TPMT: variants seen among roughly 807,000 people sequenced by gnomAD.
TPMT encodes thiopurine S-methyltransferase, also known as S-adenosyl-L-methionine:thiopurine S-methyltransferase.
Under a neutral mutation model 34.2 loss-of-function variants are expected in TPMT, and 18 were observed. The observed-to-expected ratio is 0.53, with a 90% confidence interval of 0.36 to 0.78. The LOEUF (loss-of-function observed/expected upper bound fraction) is 0.78, where lower values mean the gene tolerates loss of function less well. Ranked by LOEUF, TPMT falls within the 30% of genes least tolerant of loss-of-function variation. The probability of loss-of-function intolerance (pLI) is 0.00; values close to 1 mark genes in which losing one functional copy is unlikely to be tolerated. For synonymous variants in TPMT, 69 were observed against 92.4 expected (o/e 0.75, Z 1.45); for missense variants, 265 against 288.1 (o/e 0.92, Z 0.58).
intron 1 of TPMT, among the ~76,000 whole-genome samples, chr6:18,151,389 G>A (rs1292357388): frequency 6.6e-6 from 1 of 151,108 alleles, no homozygotes; most frequent in Admixed American, 6.6e-5. Flanking sequence ...GATGGCTTGA[G>A]CCTAGGAGTT....
chr6:18,134,582 G>A (rs960477999), intron 6 of TPMT, among the ~76,000 whole-genome samples: 5 of 152,220 alleles, frequency 3.3e-5, no homozygotes, highest in African/African-American at 1.2e-4. Context: ...GTGGGAAGCT[G>A]ATGCTAACAG....
intron 6 of TPMT, 76 bp from the exon 7 acceptor site, chr6:18,133,965 G>A (rs112245838): frequency 8.4e-7 from 1 of 1,185,432 alleles, no homozygotes; most frequent in Non-Finnish European, 1.3e-6. Flanking sequence ...GGCAGGGAAG[G>A]AAGCCAGAAG....
In TPMT at chr6:18,140,232, A is replaced by G. The variant is rs1227828559; in HGVS notation, c.367-515T>C. ...TCTTGACAGTAGATTTGAATTCGAC[A>G]CAGTCTCTGACCACAGTGAGGACAG... On this transcript the variant is annotated intron_variant, in intron 4 of 8. Transcript: ENST00000309983. The surrounding 1 kb of genome is among the most constrained non-coding windows in gnomAD (Gnocchi z 4.7). 6.6e-6 allele frequency among the ~76,000 whole-genome samples: 1 copy of G among 152,224 alleles called. No homozygotes were observed. The highest frequency in any genetic ancestry group is 2.4e-5 in the African/African-American group (1 of 41,466).
rs1195203273 is a variant in TPMT, at chr6:18,143,636, T to A, written c.326A>T (p.Glu109Val). 6.2e-7 allele frequency: 1 copy of A among 1,613,534 alleles called. No homozygotes were observed. Among genetic ancestry groups the A allele is most frequent in the Admixed American group, 1.7e-5 (1 of 60,018 alleles). ...TCCAGGAATTTCGGTGATTGGTTCT[T>A]CTGAGTAAGAAAGATTCTGCTCTGT... ...FFTEQNLSYS[E>V]EPITEIPGTK... Residue 109 changes from glutamate to valine, a missense_variant, in exon 4 of 9, where the codon GAA (glutamate) becomes GTA (valine). Coordinates refer to ENST00000309983, the MANE Select transcript of TPMT (RefSeq NM_000367.5). The surrounding 1 kb of genome is among the most constrained non-coding windows in gnomAD (Gnocchi z 6.1).
At chr6:18,151,253 GCCT>G (rs1784349907) in intron 1 of TPMT, among the ~76,000 whole-genome samples, 1 of 145,888 alleles carries the variant, frequency 6.9e-6, no homozygotes, top group South Asian at 2.1e-4. Flanking sequence ...ATGGCTTGAC[GCCT>G]GGAGTTTGAG....
chr6:18,139,124 T>A lies in TPMT; in HGVS notation c.420-87A>T. 8.7e-7 allele frequency: 1 copy of A among 1,152,780 alleles called. No individual in the cohort carries two copies. 71.4% of individuals were successfully genotyped at this position (1,152,780 alleles called of 1,614,324 possible). A position where few individuals can be genotyped will look rare whatever the true frequency, so the allele number is the denominator to read the frequency against. On this transcript the variant is annotated intron_variant, in intron 5 of 8. Coordinates refer to ENST00000309983, the MANE Select transcript of TPMT (RefSeq NM_000367.5). The surrounding 1 kb of genome is among the most constrained non-coding windows in gnomAD (Gnocchi z 4.2). ...CGTCCCCCATGGTGCATGCTGGTAC[T>A]TCAACAATCGTCAAGGTATTAGGAT... is the stretch of plus-strand genomic sequence containing the variant.
At position 18,154,867 on chromosome 6, in the gene TPMT, C is replaced by T. The variant is rs1784453353; in HGVS notation, c.-45+166G>A. The stretch of plus-strand genomic sequence containing the variant: ...TGGATTCAGGTCATTTACTGTCCGA[C>T]CTCGTTATTCCCAGTTTCCGCTTCT... On this transcript the variant is annotated intron_variant, in intron 1 of 8. Transcript: ENST00000309983. The surrounding 1 kb of genome is among the most constrained non-coding windows in gnomAD (Gnocchi z 4.2). 6.6e-6 allele frequency among the ~76,000 whole-genome samples: 1 copy of T among 152,218 alleles called. No homozygotes were observed.
rs1561891932 is a variant in TPMT at position 18,147,903 on chromosome 6, CTTCT to C, written c.149_152del (p.Lys50SerfsTer3). The C allele has an allele frequency of 1.1e-5, 17 of 1,613,066 alleles. No individual in the cohort carries two copies. The highest frequency in any genetic ancestry group is 1.4e-5 in the Non-Finnish European group (17 of 1,179,548). On this transcript the variant is annotated frameshift_variant, in exon 3 of 9. Transcript: ENST00000309983. LOFTEE classifies it high-confidence loss of function. ...TGCCTTTAAGGAAAGTATCTAAATG[CTTCT>C]TTAATAGCCTGAAGAGGAAAAAAAA...
chr6:18,130,534 GC>G lies in TPMT; in HGVS notation c.*133del. 1.5e-6 allele frequency: 1 copy of G among 663,908 alleles called. No homozygotes were observed. 41.1% of individuals were successfully genotyped at this position (663,908 alleles called of 1,614,324 possible). A position where few individuals can be genotyped will look rare whatever the true frequency, so the allele number is the denominator to read the frequency against. On this transcript the variant is annotated 3_prime_UTR_variant, in exon 9 of 9. Transcript: ENST00000309983. This position sits in a 1 kb window ranked among gnomAD's most constrained non-coding sequence, Gnocchi z 4.2. Reference sequence around the variant, plus strand: ...AAAAAGTAAATGGCTTTACTAAAAAGCCATTTTTAGTAAAGATCTATCATAT... The same window carrying G: ...AAAAAGTAAATGGCTTTACTAAAAAGCATTTTTAGTAAAGATCTATCATAT...
chr6:18,132,273 G>T lies in TPMT; in HGVS notation c.581-96C>A. 8.5e-7 allele frequency: 1 copy of T among 1,174,534 alleles called. No individual in the cohort carries two copies. The highest frequency in any genetic ancestry group is 1.3e-6 in the Non-Finnish European group (1 of 796,756). 72.8% of individuals were successfully genotyped at this position (1,174,534 alleles called of 1,614,324 possible). The stretch of plus-strand genomic sequence containing the variant: ...CATTATCCAAATAGGTGATGATGTG[G>T]CATGTTCTTCTCATTCTTCTTTTGC... On this transcript the variant is annotated intron_variant, in intron 7 of 8. Transcript: ENST00000309983. The surrounding 1 kb of genome is among the most constrained non-coding windows in gnomAD (Gnocchi z 4.8).
rs2150710269 is a variant in TPMT at position 18,135,625 on chromosome 6, A to G, written c.495-1736T>C. The stretch of plus-strand genomic sequence containing the variant: ...GGTGACTTACATCTGTAATCCCAGC[A>G]CTTTGGGAGGCCGAGGTGGGCAGAT... On this transcript the variant is annotated intron_variant, in intron 6 of 8. Coordinates refer to ENST00000309983, the MANE Select transcript of TPMT (RefSeq NM_000367.5). This position sits in a 1 kb window ranked among gnomAD's most constrained non-coding sequence, Gnocchi z 5.0. Among the ~76,000 whole-genome samples the G allele has an allele frequency of 6.6e-6, 1 of 152,330 alleles. No homozygotes were observed. The highest frequency in any genetic ancestry group is 1.9e-4 in the East Asian group (1 of 5,186).
At chr6:18,133,624 T>C (rs1304330612) in intron 7 of TPMT, 180 bp downstream of exon 7, 2 of 593,172 alleles carry the variant, frequency 3.4e-6, no homozygotes, top group East Asian at 5.8e-5. Context: ...ATGTACAATA[T>C]AGAAGAGAAA....
At chr6:18,134,037 T>C (rs1783996661) in intron 6 of TPMT, 148 bp from the exon 7 acceptor site, 1 of 690,138 alleles carries the variant, frequency 1.4e-6, no homozygotes, top group South Asian at 1.7e-5. Context: ...TTGATTCTCA[T>C]TTTAAAAGTG....
At chr6:18,133,264 T>C (rs1460756260) in intron 7 of TPMT, among the ~76,000 whole-genome samples, 3 of 152,192 alleles carry the variant, frequency 2.0e-5, no homozygotes, top group Non-Finnish European at 2.9e-5. Flanking sequence ...TGCATTAAAA[T>C]GAGTCCAGGA....
chr6:18,153,178 G>T lies in TPMT; in HGVS notation c.-45+1855C>A, dbSNP rs1280539478. ...CCCCTCCCTGGAAGTGTCAGTTTCT[G>T]GCTTCTGGCCTGCGGCTACACTTCT... On this transcript the variant is annotated intron_variant, in intron 1 of 8. Coordinates refer to ENST00000309983, the MANE Select transcript of TPMT (RefSeq NM_000367.5). The surrounding 1 kb of genome is among the most constrained non-coding windows in gnomAD (Gnocchi z 4.2). Among the ~76,000 whole-genome samples, 1 of 152,188 alleles carries T rather than the reference G, an allele frequency of 6.6e-6. No homozygotes were observed. The highest frequency in any genetic ancestry group is 2.4e-5 in the African/African-American group (1 of 41,452).
intron 4 of TPMT, among the ~76,000 whole-genome samples, chr6:18,142,845 G>A (rs931429143): frequency 2.0e-5 from 3 of 151,948 alleles, no homozygotes; most frequent in Non-Finnish European, 2.9e-5. Flanking sequence ...GTCCTCATTC[G>A]GTCACAGAAT....
In TPMT at chr6:18,140,719, A is replaced by G. The variant is rs1284345496; in HGVS notation, c.367-1002T>C. Among the ~76,000 whole-genome samples the G allele has an allele frequency of 6.6e-6, 1 of 152,152 alleles. No individual in the cohort carries two copies. The highest frequency in any genetic ancestry group is 1.9e-4 in the East Asian group (1 of 5,192). On this transcript the variant is annotated intron_variant, in intron 4 of 8. Coordinates refer to ENST00000309983, the MANE Select transcript of TPMT (RefSeq NM_000367.5). The surrounding 1 kb of genome is among the most constrained non-coding windows in gnomAD (Gnocchi z 4.7). The stretch of plus-strand genomic sequence containing the variant: ...TTGGAGCAAAATAATCCTAAAAAAT[A>G]AACAACAACAACAAAAATCAAGAGA...
rs1192492785 is a variant in TPMT, at chr6:18,129,266, A to T, written c.*1402T>A. On this transcript the variant is annotated 3_prime_UTR_variant, in exon 9 of 9. Coordinates refer to ENST00000309983, the MANE Select transcript of TPMT (RefSeq NM_000367.5). Reference sequence around the variant, plus strand: ...AGTTGCTTCAAATTAATAGCCTTACAAATCTATTAGAATACATCGATGGCA... The same window carrying T: ...AGTTGCTTCAAATTAATAGCCTTACTAATCTATTAGAATACATCGATGGCA... 6.6e-6 allele frequency: 1 copy of T among 152,152 alleles called. No individual in the cohort carries two copies. The highest frequency in any genetic ancestry group is 1.5e-5 in the Non-Finnish European group (1 of 68,034). The allele number at this position is 152,152 out of a possible 1,614,324, so 9.4% of individuals were successfully genotyped here. A position where few individuals can be genotyped will look rare whatever the true frequency, so the allele number is the denominator to read the frequency against.
Position 18,154,397 on chromosome 6 carries a change from C to G in TPMT, c.-45+636G>C, listed in dbSNP as rs758159292. The stretch of plus-strand genomic sequence containing the variant: ...TTTCATAAAATTGAGAAGAAACTTT[C>G]CTAAGGTGCACACATCTTAAAAGAG... On this transcript the variant is annotated intron_variant, in intron 1 of 8. Coordinates refer to ENST00000309983, the MANE Select transcript of TPMT (RefSeq NM_000367.5). This position sits in a 1 kb window ranked among gnomAD's most constrained non-coding sequence, Gnocchi z 4.2. Among the ~76,000 whole-genome samples, 91 of 152,214 alleles carry G rather than the reference C, an allele frequency of 6.0e-4. No homozygotes were observed. Among genetic ancestry groups the G allele is most frequent in the Non-Finnish European group, 1.0e-4 (7 of 68,016 alleles).
Sources: gnomAD v4.1 joint callset for allele counts (sites outside exome capture counted in the v4.1 genomes callset) on GRCh38, gnomAD v4.1.1 for gene constraint, Gnocchi (gnomAD v3.1) non-coding constraint, MANE v1.5 for transcripts, NCBI Gene and HGNC (gene_info 2026-07-23, HGNC 2026-07-21) for gene names.